Variants in BTAF1 observed in about 807,000 individuals in gnomAD.
BTAF1 encodes the protein TATA-binding protein-associated factor 172.
A neutral mutation model predicts 227.1 loss-of-function variants in BTAF1; 38 were observed. The ratio of observed to expected loss-of-function variants is 0.17; its 90% confidence interval spans 0.13 to 0.22. The LOEUF is 0.22. Among genes scored for constraint, BTAF1 ranks in the 10% least tolerant of loss-of-function variants. The pLI is 1.00. For synonymous variants in BTAF1, 742 were observed against 751.9 expected (o/e 0.99, Z 0.21); for missense variants, 1,598 against 2,204.0 (o/e 0.73, Z 5.51).
At chr10:91,990,747 C>T (rs753309108) in intron 20 of BTAF1, among the ~76,000 whole-genome samples, 86 of 151,776 alleles carry the variant, frequency 5.7e-4, no homozygotes, top group Non-Finnish European at 1.1e-3. Context: ...GAGCTGAGAT[C>T]GCGCCATTGT....
At chr10:91,974,938 C>G (rs1847579273) in intron 14 of BTAF1, among the ~76,000 whole-genome samples, 1 of 152,156 alleles carries the variant, frequency 6.6e-6, no homozygotes, top group Non-Finnish European at 1.5e-5. Context: ...GCTTGGTAAT[C>G]AAAGTGAAGG....
In BTAF1 at chr10:91,923,897, A is replaced by C; in HGVS notation, c.-180A>C. On this transcript the variant is annotated 5_prime_UTR_variant, in exon 1 of 38. Coordinates refer to ENST00000265990, the MANE Select transcript of BTAF1 (RefSeq NM_003972.3). Reference sequence around the variant, plus strand: ...CCCCTGCTTACCGGCCGCCGCGGGGACGAGCTCGGGTAGGCGGCAGGGCAG... The same window carrying C: ...CCCCTGCTTACCGGCCGCCGCGGGGCCGAGCTCGGGTAGGCGGCAGGGCAG... 4.8e-5 allele frequency: 30 copies of C among 626,808 alleles called. No individual in the cohort carries two copies. The highest frequency in any genetic ancestry group is 6.9e-5 in the Non-Finnish European group (28 of 405,392). The allele number at this position is 626,808 out of a possible 1,614,324, so 38.8% of individuals were successfully genotyped here.
At chr10:91,949,210 C>T (rs1589783102) in intron 4 of BTAF1, among the ~76,000 whole-genome samples, 1 of 151,968 alleles carries the variant, frequency 6.6e-6, no homozygotes, top group Admixed American at 6.6e-5. Context: ...CTACTCAGGA[C>T]GCTGAGGTGG....
intron 4 of BTAF1, 66 bp downstream of exon 4, chr10:91,942,634 T>C (rs1036269487): frequency 1.3e-6 from 2 of 1,533,950 alleles, no homozygotes; most frequent in African/African-American, 1.4e-5. Flanking sequence ...CACTGTGGTA[T>C]GCTGTTCATT....
intron 6 of BTAF1, among the ~76,000 whole-genome samples, chr10:91,954,901 A>G (rs1845993855): frequency 6.6e-6 from 1 of 152,170 alleles, no homozygotes; most frequent in Non-Finnish European, 1.5e-5. Context: ...GTTAAATAAG[A>G]ATCTTTAGTG....
At chr10:92,015,390 T>G (rs1385386298) in intron 32 of BTAF1, among the ~76,000 whole-genome samples, 1 of 152,218 alleles carries the variant, frequency 6.6e-6, no homozygotes. Context: ...AGAAACTTAC[T>G]TTTCCCCCCT....
chr10:91,932,904 G>C (rs1352956598), intron 1 of BTAF1, among the ~76,000 whole-genome samples: 7 of 152,326 alleles, frequency 4.6e-5, no homozygotes, highest in South Asian at 4.1e-4. Flanking sequence ...GGTGTATCTG[G>C]TTAAATTCCA....
intron 14 of BTAF1, among the ~76,000 whole-genome samples, chr10:91,970,249 T>C (rs1847193900): frequency 2.0e-5 from 3 of 152,252 alleles, no homozygotes; most frequent in Non-Finnish European, 4.4e-5. Flanking sequence ...CTTTTAAGCA[T>C]GGGCCCTCAA....
chr10:91,968,932 C>G (rs923221624), intron 14 of BTAF1, among the ~76,000 whole-genome samples: 1 of 151,650 alleles, frequency 6.6e-6, no homozygotes, highest in African/African-American at 2.4e-5. Flanking sequence ...GTGATCATAG[C>G]TTACTGCAAT....
chr10:92,026,628 T>C lies in BTAF1; in HGVS notation c.5112T>C (p.Leu1704=), dbSNP rs1375157552. ...NNDPSIDVLL[L]TTHVGGLGLN... ...ATCCATCTATAGACGTTCTGTTACT[T>C]ACCACTCACGTTGGTGGCCTGGGAC... Residue 1704 remains leucine, a synonymous_variant, in exon 36 of 38, where the codon CTT becomes CTC. Coordinates refer to ENST00000265990, the MANE Select transcript of BTAF1 (RefSeq NM_003972.3). The C allele has an allele frequency of 1.9e-6, 3 of 1,613,880 alleles. No homozygotes were observed. Among genetic ancestry groups the C allele is most frequent in the Non-Finnish European group, 2.5e-6 (3 of 1,179,818 alleles).
Position 92,018,777 on chromosome 10 carries a change from T to C in BTAF1, c.4711-6T>C. The C allele has an allele frequency of 6.6e-7, 1 of 1,520,740 alleles. No homozygotes were observed. Among genetic ancestry groups the C allele is most frequent in the South Asian group, 1.3e-5 (1 of 76,828 alleles). The allele number at this position is 1,520,740 out of a possible 1,614,324, so 94.2% of individuals were successfully genotyped here. A position where few individuals can be genotyped will look rare whatever the true frequency, so the allele number is the denominator to read the frequency against. ...ACTCATATATACTTTTTTTTTCCTC[T>C]TGAAGGCATTACAGTACTTACGTAA... On this transcript the variant is annotated splice_polypyrimidine_tract_variant and splice_region_variant and intron_variant, in intron 33 of 37. Coordinates refer to ENST00000265990, the MANE Select transcript of BTAF1 (RefSeq NM_003972.3).
At chr10:92,010,803 A>G (rs1833288127) in intron 28 of BTAF1, among the ~76,000 whole-genome samples, 1 of 152,252 alleles carries the variant, frequency 6.6e-6, no homozygotes, top group Non-Finnish European at 1.5e-5. Context: ...GGAGTGAGAA[A>G]GGAATAGTGC....
intron 4 of BTAF1, among the ~76,000 whole-genome samples, chr10:91,945,602 G>T (rs1382445288): frequency 6.6e-6 from 1 of 152,178 alleles, no homozygotes; most frequent in Non-Finnish European, 1.5e-5. Context: ...CATCTGTGTT[G>T]TAGTATGGGA....
intron 11 of BTAF1, among the ~76,000 whole-genome samples, chr10:91,961,360 T>C (rs1236443461): frequency 6.6e-6 from 1 of 152,232 alleles, no homozygotes. Flanking sequence ...GCTTTTCTTC[T>C]CTTCCCATGC....
At chr10:91,929,555 CATT>C (rs1844128258) in intron 1 of BTAF1, among the ~76,000 whole-genome samples, 1 of 152,214 alleles carries the variant, frequency 6.6e-6, no homozygotes, top group South Asian at 2.1e-4. Context: ...TTCAGAGCAA[CATT>C]GTTTCAACAG....
intron 11 of BTAF1, among the ~76,000 whole-genome samples, chr10:91,962,267 C>T (rs1361120204): frequency 6.6e-6 from 1 of 151,890 alleles, no homozygotes; most frequent in Non-Finnish European, 1.5e-5. Flanking sequence ...ACATGCTGTG[C>T]AGGTTTGTAG....
intron 4 of BTAF1, among the ~76,000 whole-genome samples, chr10:91,947,894 A>G (rs1845487699): frequency 1.3e-5 from 2 of 148,300 alleles, no homozygotes; most frequent in South Asian, 4.2e-4. Flanking sequence ...TATACTTGAC[A>G]GAATACAAGT....
Position 91,998,545 on chromosome 10 carries a change from G to A in BTAF1, c.3660+794G>A, listed in dbSNP as rs7096955. On this transcript the variant is annotated intron_variant, in intron 25 of 37. Coordinates refer to ENST00000265990, the MANE Select transcript of BTAF1 (RefSeq NM_003972.3). ...GTACATTCATGGGGGCACAAATAAT[G>A]TGTGGCCAATGCAGGAAACTGAAGT... Among the ~76,000 whole-genome samples the A allele has an allele frequency of 3.3e-3, 497 of 152,274 alleles. 4 individuals are homozygous for A. Among genetic ancestry groups the A allele is most frequent in the African/African-American group, 0.011 (476 of 41,540 alleles).
chr10:91,969,201 C>A (rs10882010), intron 14 of BTAF1, among the ~76,000 whole-genome samples: 107 of 151,248 alleles, frequency 7.1e-4, no homozygotes, highest in African/African-American at 2.4e-3. Context: ...CCTTTTATTC[C>A]TTATTAGGTG....
Sources: gnomAD v4.1 joint callset for allele counts (sites outside exome capture counted in the v4.1 genomes callset) on GRCh38, gnomAD v4.1.1 for gene constraint, MANE v1.5 for transcripts, NCBI Gene and HGNC (gene_info 2026-07-23, HGNC 2026-07-21) for gene names.